Variants in HAO2 observed in about 807,000 individuals in gnomAD.
HAO2 encodes 2-Hydroxyacid oxidase 2.
HAO2 carries 42 observed loss-of-function variants against 37.4 expected under a neutral mutation model. The ratio of observed to expected loss-of-function variants is 1.12; its 90% CI spans 0.88 to 1.45. The LOEUF (loss-of-function observed/expected upper bound fraction) is 1.45. HAO2 is among the 40% of genes most tolerant of loss of function. The pLI, the probability that HAO2 is intolerant of heterozygous loss-of-function variation, is 0.00. For synonymous variants in HAO2, 180 were observed against 162.8 expected, an observed-to-expected ratio of 1.11 and a Z score of -0.81; for missense variants, 476 against 430.2, an observed-to-expected ratio of 1.11 and a Z score of -0.94.
chr1:119,384,391 A>G (rs1279220365), intron 3 of HAO2, among the ~76,000 whole-genome samples: 1 of 152,196 alleles, frequency 6.6e-6, no homozygotes, highest in African/African-American at 2.4e-5. Flanking sequence ...AGGATTCTCC[A>G]CTGGAACTAC....
chr1:119,394,078 A>T lies in HAO2; in HGVS notation c.*238A>T. The stretch of plus-strand genomic sequence containing the variant: ...CTATTATATGTTGCTCTCTTGCCTA[A>T]ATCTTCCTCTGAAGTAAAAGATCTC... On this transcript the variant is annotated 3_prime_UTR_variant, in exon 8 of 8. Transcript: ENST00000325945. 7.6e-7 allele frequency: 1 copy of T among 1,308,338 alleles called. No individual in the cohort carries two copies. Among genetic ancestry groups the T allele is most frequent in the Non-Finnish European group, 9.8e-7 (1 of 1,017,550 alleles). 81.0% of individuals were successfully genotyped at this position (1,308,338 alleles called of 1,614,324 possible).
intron 5 of HAO2, among the ~76,000 whole-genome samples, chr1:119,388,445 G>A (rs914244460): frequency 6.6e-6 from 1 of 152,200 alleles, no homozygotes; most frequent in Non-Finnish European, 1.5e-5. Context: ...TTCCCCACTA[G>A]AGAATGAGTA....
chr1:119,386,619 T>C lies in HAO2; in HGVS notation c.562-3T>C, dbSNP rs753001155. On this transcript the variant is annotated splice_region_variant and splice_polypyrimidine_tract_variant and intron_variant, in intron 4 of 7. Coordinates refer to ENST00000325945, the MANE Select transcript of HAO2 (RefSeq NM_016527.4). ...GACTAAGTTCCCTTTTTATTTCCTA[T>C]AGGGAAATGCAATACCTTATTTCCA... 2.6e-5 allele frequency: 41 copies of C among 1,570,558 alleles called. No individual in the cohort carries two copies. The highest frequency in any genetic ancestry group is 5.0e-5 in the Admixed American group (3 of 59,948).
intron 1 of HAO2, among the ~76,000 whole-genome samples, chr1:119,373,153 G>T (rs982024404): frequency 6.6e-6 from 1 of 152,176 alleles, no homozygotes. Flanking sequence ...CCACTGACTG[G>T]ATGAAGCAAA....
At chr1:119,386,578 C>G (rs1557853167) in intron 4 of HAO2, 44 bp from the exon 5 acceptor site, 1 of 1,193,976 alleles carries the variant, frequency 8.4e-7, no homozygotes, top group Admixed American at 1.7e-5. Flanking sequence ...CATCAAGTAG[C>G]CTTGTGAGAG....
At chr1:119,383,397 A>C (rs1650119614) in intron 3 of HAO2, among the ~76,000 whole-genome samples, 1 of 152,174 alleles carries the variant, frequency 6.6e-6, no homozygotes, top group African/African-American at 2.4e-5. Flanking sequence ...ACGCAGCCCC[A>C]AGGCTAGGGC....
At chr1:119,378,849 G>A (rs1030712391) in intron 1 of HAO2, among the ~76,000 whole-genome samples, 4 of 152,170 alleles carry the variant, frequency 2.6e-5, no homozygotes, top group African/African-American at 9.7e-5. Flanking sequence ...CAATAATGAA[G>A]ATAAATGACA....
chr1:119,383,105 G>A, intron 3 of HAO2, 39 bp downstream of exon 3: 1 of 1,534,318 alleles, frequency 6.5e-7, no homozygotes, highest in African/African-American at 1.4e-5. Context: ...TTTCCGGGAG[G>A]AGGTGTCCCT....
chr1:119,381,068 T>C lies in HAO2; in HGVS notation c.-8-10T>C. ...CTGGGTTTGGTTTGGTTTTGTTTTC[T>C]CCTTGGAAGGTCCAGAAATGTCCTT... On this transcript the variant is annotated splice_polypyrimidine_tract_variant and intron_variant, in intron 1 of 7. Transcript: ENST00000325945. 1 of 1,612,802 alleles carries C rather than the reference T, an allele frequency of 6.2e-7. No individual in the cohort carries two copies.
intron 1 of HAO2, among the ~76,000 whole-genome samples, chr1:119,371,140 TAA>T (rs1648966569): frequency 6.6e-6 from 1 of 152,194 alleles, no homozygotes; most frequent in Non-Finnish European, 1.5e-5. Context: ...AACAGAGACT[TAA>T]ATGTCTCCCC....
chr1:119,379,443 A>G (rs904864087), intron 1 of HAO2, among the ~76,000 whole-genome samples: 6 of 152,248 alleles, frequency 3.9e-5, no homozygotes, highest in African/African-American at 1.4e-4. Context: ...TAAAATTCCC[A>G]GGCATCATAT....
intron 1 of HAO2, among the ~76,000 whole-genome samples, chr1:119,369,924 T>G (rs1648842091): frequency 6.6e-6 from 1 of 151,952 alleles, no homozygotes; most frequent in Admixed American, 6.6e-5. Flanking sequence ...CTTTGATATA[T>G]TATGTTAAAT....
intron 5 of HAO2, among the ~76,000 whole-genome samples, chr1:119,391,761 G>A (rs1650923372): frequency 6.6e-6 from 1 of 152,112 alleles, no homozygotes; most frequent in African/African-American, 2.4e-5. Context: ...GAGAGTAGAA[G>A]AAAATCAAAA....
intron 7 of HAO2, 45 bp from the exon 8 acceptor site, chr1:119,393,740 C>G (rs776638403): frequency 3.8e-6 from 6 of 1,567,118 alleles, no homozygotes; most frequent in African/African-American, 1.3e-5. Flanking sequence ...AGGTGAGTTG[C>G]TTGTGTTTGA....
At chr1:119,380,682 C>T (rs1157473934) in intron 1 of HAO2, 8 of 1,596,934 alleles carry the variant, frequency 5.0e-6, no homozygotes, top group Non-Finnish European at 6.9e-6. Flanking sequence ...TAGGAAGATC[C>T]CAGGAAGCTG....
At chr1:119,385,135 C>T in intron 4 of HAO2, 82 bp downstream of exon 4, 1 of 1,530,238 alleles carries the variant, frequency 6.5e-7, no homozygotes, top group African/African-American at 1.4e-5. Context: ...TCCATTCTTT[C>T]TTTCCACAGG....
In HAO2 at chr1:119,381,159, T is replaced by C. The variant is rs777532997; in HGVS notation, c.74T>C (p.Ile25Thr). Reference sequence around the variant, plus strand: ...CTGTCTAAGTCAACTCGGGATTTTATTGAAGGTGGAGCAGATGACAGCATC... The same window carrying C: ...CTGTCTAAGTCAACTCGGGATTTTACTGAAGGTGGAGCAGATGACAGCATC... ...EQLSKSTRDF[I>T]EGGADDSITR... Residue 25 changes from isoleucine (I) to threonine (T), a missense_variant, in exon 2 of 8, where the codon ATT (isoleucine) becomes ACT (threonine). By Grantham distance (89) the Ile-to-Thr change is moderately conservative (BLOSUM62 -1). Coordinates refer to ENST00000325945, the MANE Select transcript of HAO2 (RefSeq NM_016527.4). 5.6e-6 allele frequency: 9 copies of C among 1,610,704 alleles called. No individual in the cohort carries two copies. In the East Asian group the frequency reaches 1.3e-4, roughly 24 times the overall value.
intron 1 of HAO2, chr1:119,380,682 C>A (rs1157473934): frequency 2.5e-6 from 4 of 1,597,048 alleles, no homozygotes; most frequent in Non-Finnish European, 3.4e-6. Flanking sequence ...TAGGAAGATC[C>A]CAGGAAGCTG....
chr1:119,376,541 C>A (rs1198853981), intron 1 of HAO2, among the ~76,000 whole-genome samples: 1 of 152,220 alleles, frequency 6.6e-6, no homozygotes, highest in South Asian at 2.1e-4. Flanking sequence ...CTAGGCAGTG[C>A]CCCAGTGGGG....
Sources: gnomAD v4.1 joint callset for allele counts (sites outside exome capture counted in the v4.1 genomes callset) on GRCh38, gnomAD v4.1.1 for gene constraint, MANE v1.5 for transcripts, NCBI Gene and HGNC (gene_info 2026-07-23, HGNC 2026-07-21) for gene names.